FSTL4: variants seen among roughly 807,000 people sequenced by gnomAD.
FSTL4 encodes the protein follistatin-related protein 4.
FSTL4 carries 28 observed loss-of-function variants against 78.2 expected under a neutral mutation model. The observed-to-expected ratio is 0.36, with a 90% CI of 0.27 to 0.49. FSTL4 has a LOEUF of 0.49. Among genes scored for constraint, FSTL4 ranks in the 20% least tolerant of loss-of-function variants. The pLI, the probability that FSTL4 is intolerant of heterozygous loss-of-function variation, is 0.98. For missense variants in FSTL4, 922 were observed against 1,084.9 expected, an observed-to-expected ratio of 0.85 and a Z score of 2.11; for synonymous variants, 422 against 440.5, an observed-to-expected ratio of 0.96 and a Z score of 0.53.
intron 3 of FSTL4, among the ~76,000 whole-genome samples, chr5:133,462,652 G>A (rs1757616586): frequency 6.6e-6 from 1 of 152,192 alleles, no homozygotes; most frequent in Non-Finnish European, 1.5e-5. Context: ...GTGCTAAGAA[G>A]GATTCTGAAG....
intron 3 of FSTL4, among the ~76,000 whole-genome samples, chr5:133,553,336 C>T (rs1759726623): frequency 6.6e-6 from 1 of 152,188 alleles, no homozygotes; most frequent in Non-Finnish European, 1.5e-5. Context: ...TATGGATGCG[C>T]CTGCTCTTCC....
Position 133,319,568 on chromosome 5 carries a change from C to T in FSTL4, c.410-2916G>A, listed in dbSNP as rs138156811. Among the ~76,000 whole-genome samples the T allele has an allele frequency of 2.5e-3, 380 of 152,258 alleles. 1 individual carries two copies. Among genetic ancestry groups the T allele is most frequent in the African/African-American group, 8.8e-3 (365 of 41,562 alleles). ...TGGAGACTGGTGAAAGCTGGTGTGG[C>T]TGGGCTAGAGGGGCTGAGTCAGGTG... On this transcript the variant is annotated intron_variant, in intron 4 of 15. Coordinates refer to ENST00000265342, the MANE Select transcript of FSTL4 (RefSeq NM_015082.2).
chr5:133,607,161 T>C (rs1454671407), intron 1 of FSTL4, among the ~76,000 whole-genome samples: 2 of 152,242 alleles, frequency 1.3e-5, no homozygotes, highest in Non-Finnish European at 2.9e-5. Flanking sequence ...TACCACTAGC[T>C]GTGATTTCAT....
chr5:133,705,854 C>T, the FSTL4 span, among the ~76,000 whole-genome samples: 7 of 139,782 alleles, frequency 5.0e-5, no homozygotes, highest in South Asian at 2.2e-4. Flanking sequence ...CACACACACG[C>T]GCGCACACAC....
chr5:133,563,951 T>G (rs1052286498), intron 3 of FSTL4, among the ~76,000 whole-genome samples: 3 of 152,114 alleles, frequency 2.0e-5, no homozygotes, highest in Non-Finnish European at 2.9e-5. Context: ...AACCACAAAC[T>G]AAGTGACTTA....
chr5:133,552,094 A>C (rs1759700679), intron 3 of FSTL4, among the ~76,000 whole-genome samples: 1 of 152,188 alleles, frequency 6.6e-6, no homozygotes, highest in Non-Finnish European at 1.5e-5. Flanking sequence ...GAGGAGGTAA[A>C]GGGTTGCTTC....
At chr5:133,477,837 G>A (rs1003432819) in intron 3 of FSTL4, among the ~76,000 whole-genome samples, 2 of 152,128 alleles carry the variant, frequency 1.3e-5, no homozygotes, top group African/African-American at 2.4e-5. Flanking sequence ...AATTCAGACA[G>A]AAATTTGCCC....
chr5:133,746,181 T>C, the FSTL4 span, among the ~76,000 whole-genome samples: 1 of 152,366 alleles, frequency 6.6e-6, no homozygotes, highest in South Asian at 2.1e-4. Flanking sequence ...AGAGGATGTC[T>C]TGTCACCATG....
At chr5:133,247,314 G>C (rs775774169) in intron 7 of FSTL4, 12 of 152,218 alleles carry the variant, frequency 7.9e-5, no homozygotes, top group Non-Finnish European at 1.2e-4. Context: ...AAATGCAATT[G>C]AGTTGGTGCT....
At chr5:133,418,901 C>T (rs1294883369) in intron 3 of FSTL4, among the ~76,000 whole-genome samples, 4 of 152,168 alleles carry the variant, frequency 2.6e-5, no homozygotes, top group Non-Finnish European at 5.9e-5. Flanking sequence ...TCCCTTTGCC[C>T]CTCCCTGTCC....
At chr5:133,823,661 G>T in the FSTL4 span, among the ~76,000 whole-genome samples, 1 of 152,184 alleles carries the variant, frequency 6.6e-6, no homozygotes, top group South Asian at 2.1e-4. Flanking sequence ...GTCCTGCTTG[G>T]CCAGGAGCCT....
chr5:133,541,371 A>C (rs1179587819), intron 3 of FSTL4, among the ~76,000 whole-genome samples: 1 of 152,116 alleles, frequency 6.6e-6, no homozygotes, highest in Non-Finnish European at 1.5e-5. Context: ...CAGGGACCTC[A>C]GGACAGTTAG....
At chr5:133,668,558 A>C in the FSTL4 span, among the ~76,000 whole-genome samples, 2 of 152,194 alleles carry the variant, frequency 1.3e-5, no homozygotes, top group Admixed American at 6.5e-5. Context: ...ATATTACAAA[A>C]ACATGCAGGA....
chr5:133,766,003 A>T, the FSTL4 span, among the ~76,000 whole-genome samples: 300 of 152,274 alleles, frequency 2.0e-3, 2 homozygotes, highest in Middle Eastern at 0.027. Flanking sequence ...TCTCTCCGGC[A>T]TATTTTCAAA....
At chr5:133,223,318 T>C (rs1242469278) in intron 11 of FSTL4, among the ~76,000 whole-genome samples, 1 of 152,238 alleles carries the variant, frequency 6.6e-6, no homozygotes, top group Non-Finnish European at 1.5e-5. Flanking sequence ...GAAATTGTTC[T>C]GAGTATGTGT....
the FSTL4 span, among the ~76,000 whole-genome samples, chr5:133,623,074 G>C: frequency 3.3e-4 from 50 of 150,322 alleles, no homozygotes; most frequent in Non-Finnish European, 5.9e-5. Context: ...CAAGGTCTGA[G>C]ACTTAGGATG....
intron 3 of FSTL4, among the ~76,000 whole-genome samples, chr5:133,531,490 G>C (rs1759252095): frequency 6.6e-6 from 1 of 151,986 alleles, no homozygotes; most frequent in African/African-American, 2.4e-5. Context: ...TGTGGAGTGT[G>C]GATCCCTCCA....
chr5:133,502,202 C>T (rs1580750025), intron 3 of FSTL4, among the ~76,000 whole-genome samples: 1 of 152,216 alleles, frequency 6.6e-6, no homozygotes, highest in Admixed American at 6.5e-5. Flanking sequence ...GAGACTAACA[C>T]AGGCACGGGT....
At chr5:133,793,833 C>T in the FSTL4 span, among the ~76,000 whole-genome samples, 2 of 152,212 alleles carry the variant, frequency 1.3e-5, no homozygotes, top group Non-Finnish European at 2.9e-5. Context: ...CATTTCTGAC[C>T]CTCCAGCTCT....
Sources: allele counts gnomAD v4.1 joint callset (sites outside exome capture counted in the v4.1 genomes callset), GRCh38; gene constraint gnomAD v4.1.1; transcripts MANE v1.5; gene names NCBI Gene and HGNC (gene_info 2026-07-23, HGNC 2026-07-21).